Variants in MYO9B observed in about 807,000 individuals in gnomAD.
MYO9B encodes myosin IXB, also known as unconventional myosin-IXb.
Under a neutral mutation model 229.5 loss-of-function variants are expected in MYO9B, and 71 were observed. That is an observed-to-expected ratio of 0.31 (90% CI 0.26 to 0.38). The LOEUF (loss-of-function observed/expected upper bound fraction) is 0.38, where lower values mean the gene tolerates loss of function less well. Among genes scored for constraint, MYO9B ranks in the 10% least tolerant of loss-of-function variants. MYO9B has a pLI of 1.00. For synonymous variants in MYO9B, 1,185 were observed against 1,235.8 expected, an observed-to-expected ratio of 0.96 and a Z score of 0.86; for missense variants, 2,255 against 2,920.5, an observed-to-expected ratio of 0.77 and a Z score of 5.25.
intron 14 of MYO9B, among the ~76,000 whole-genome samples, chr19:17,179,420 ATTTTTTTTTTT>A (rs747998068): frequency 1.2e-5 from 1 of 86,668 alleles, no homozygotes; most frequent in Non-Finnish European, 2.1e-5. Context: ...GCCCCAACTG[ATTTTTTTTTTT>A]TTTTTTTTTT....
Position 17,195,575 on chromosome 19 carries a change from C to T in MYO9B, c.4046+102C>T, listed in dbSNP as rs1445240545. On this transcript the variant is annotated intron_variant, in intron 22 of 39. Coordinates refer to ENST00000682292, the MANE Select transcript of MYO9B (RefSeq NM_004145.4). This position sits in a 1 kb window ranked among gnomAD's most constrained non-coding sequence, Gnocchi z 4.5. ...CCTGGAAACACATGTGTAATCATGC[C>T]CAGTGGGTGTGCGGGAGGCCTGAGG... 1 of 1,414,728 alleles carries T rather than the reference C, an allele frequency of 7.1e-7. No individual in the cohort carries two copies. The highest frequency in any genetic ancestry group is 9.5e-7 in the Non-Finnish European group (1 of 1,048,284). 87.6% of individuals were successfully genotyped at this position (1,414,728 alleles called of 1,614,324 possible).
intron 30 of MYO9B, among the ~76,000 whole-genome samples, chr19:17,204,456 T>A (rs1011127960): frequency 1.1e-4 from 17 of 151,348 alleles, no homozygotes; most frequent in African/African-American, 4.1e-4. Context: ...CCAGGCTGGG[T>A]CTGAGGCCAT....
At chr19:17,206,925 G>A (rs1231213838) in intron 34 of MYO9B, 141 bp downstream of exon 34, 3 of 1,215,112 alleles carry the variant, frequency 2.5e-6, no homozygotes, top group Non-Finnish European at 3.5e-6. Flanking sequence ...GTTCTGGGAG[G>A]GGGCCAGGCT....
chr19:17,210,934 C>T (rs1410320700), intron 38 of MYO9B, 86 bp downstream of exon 38: 30 of 1,480,720 alleles, frequency 2.0e-5, no homozygotes, highest in Non-Finnish European at 2.6e-5. Flanking sequence ...CGCTTGACCT[C>T]GCCAGGTTTG....
At chr19:17,154,225 C>A in intron 5 of MYO9B, 90 bp from the exon 6 acceptor site, 2 of 1,376,590 alleles carry the variant, frequency 1.5e-6, no homozygotes, top group South Asian at 1.2e-5. Context: ...GTCCTGGGGC[C>A]CTGCCCCACC....
intron 4 of MYO9B, among the ~76,000 whole-genome samples, chr19:17,153,628 C>T (rs1396221625): frequency 6.7e-6 from 1 of 150,000 alleles, no homozygotes; most frequent in Non-Finnish European, 1.5e-5. Flanking sequence ...CCCAGGAGGT[C>T]GAGGCTGCAG....
At chr19:17,184,400 G>C (rs2072894297) in intron 16 of MYO9B, 1 of 172,508 alleles carries the variant, frequency 5.8e-6, no homozygotes, top group South Asian at 1.6e-4. Flanking sequence ...TTGCAGTCTA[G>C]TTAGCAGATG....
rs554972797 is a variant in MYO9B at position 17,208,607 on chromosome 19, A to C, written c.5625-979A>C. On this transcript the variant is annotated intron_variant, in intron 35 of 39. Coordinates refer to ENST00000682292, the MANE Select transcript of MYO9B (RefSeq NM_004145.4). ...CCACCACGCCCGGCTAATTTTTTGT[A>C]TTTTTAGTAGAGACGAGGTTTCACT... 3.2e-4 allele frequency among the ~76,000 whole-genome samples: 49 copies of C among 151,736 alleles called. No homozygotes were observed. The South Asian group carries it at 8.3e-3, about 26-fold the overall frequency.
chr19:17,103,978 C>T (rs953211126), intron 2 of MYO9B, among the ~76,000 whole-genome samples: 12 of 151,738 alleles, frequency 7.9e-5, no homozygotes, highest in Non-Finnish European at 1.5e-4. Context: ...ATCGCTTGAA[C>T]CCGGTAGGTG....
rs761279007 is a variant in MYO9B, at chr19:17,152,754, C to T, written c.998+48C>T. 1.3e-5 allele frequency: 19 copies of T among 1,514,778 alleles called. No homozygotes were observed. The East Asian group carries it at 1.4e-4, about 11-fold the overall frequency. The allele number at this position is 1,514,778 out of a possible 1,614,324, so 93.8% of individuals were successfully genotyped here. A position where few individuals can be genotyped will look rare whatever the true frequency, so the allele number is the denominator to read the frequency against. ...ATCTCTGAATGCCACGCCATGTCTA[C>T]GTTTCCTCCTACAGAGGAGAGAAGC... is the stretch of plus-strand genomic sequence containing the variant. On this transcript the variant is annotated intron_variant, in intron 4 of 39. Coordinates refer to ENST00000682292, the MANE Select transcript of MYO9B (RefSeq NM_004145.4).
In MYO9B at chr19:17,195,051, G is replaced by A. The variant is rs532430108; in HGVS notation, c.3624G>A (p.Thr1208=). The A allele has an allele frequency of 5.3e-5, 85 of 1,613,018 alleles. No homozygotes were observed. Among genetic ancestry groups the A allele is most frequent in the South Asian group, 4.4e-4 (40 of 91,076 alleles). Residue 1208 remains threonine, a synonymous_variant, in exon 22 of 40, where the codon ACG becomes ACA. Coordinates refer to ENST00000682292, the MANE Select transcript of MYO9B (RefSeq NM_004145.4). This position sits in a 1 kb window ranked among gnomAD's most constrained non-coding sequence, Gnocchi z 4.5. ...REDETLLVVE[T]EAENTSQKQP... ...ATGAAACCCTTCTAGTCGTAGAGAC[G>A]GAGGCTGAGAACACATCTCAAAAGC...
At chr19:17,197,978 C>A in intron 23 of MYO9B, 120 bp downstream of exon 23, 1 of 1,402,892 alleles carries the variant, frequency 7.1e-7, no homozygotes, top group South Asian at 1.2e-5. Context: ...CGCTTGAACG[C>A]AGTGGCAGGG....
intron 21 of MYO9B, among the ~76,000 whole-genome samples, chr19:17,194,032 C>G (rs973594558): frequency 1.3e-5 from 2 of 152,036 alleles, no homozygotes; most frequent in African/African-American, 4.8e-5. Context: ...ATTTGCCGGG[C>G]TTGGTGGTGC....
At chr19:17,186,731 T>TTTTG (rs1317342260) in intron 18 of MYO9B, among the ~76,000 whole-genome samples, 1 of 151,946 alleles carries the variant, frequency 6.6e-6, no homozygotes, top group Non-Finnish European at 1.5e-5. Flanking sequence ...CTTTGTTTGT[T>TTTTG]TTTGTTTGTT....
rs776916711 is a variant in MYO9B, at chr19:17,212,338, C to T, written c.*28C>T. The stretch of plus-strand genomic sequence containing the variant: ...GCCACAGCTGACAAAGTCTGCATGT[C>T]CGAGGACGGCCCCTGCACTGGAGCT... On this transcript the variant is annotated 3_prime_UTR_variant, in exon 40 of 40. Coordinates refer to ENST00000682292, the MANE Select transcript of MYO9B (RefSeq NM_004145.4). The surrounding 1 kb of genome is among the most constrained non-coding windows in gnomAD (Gnocchi z 5.4). 1.4e-6 allele frequency: 2 copies of T among 1,446,784 alleles called. No individual in the cohort carries two copies. The highest frequency in any genetic ancestry group is 1.4e-5 in the African/African-American group (1 of 69,820). The allele number at this position is 1,446,784 out of a possible 1,614,324, so 89.6% of individuals were successfully genotyped here.
intron 10 of MYO9B, among the ~76,000 whole-genome samples, chr19:17,167,445 A>G (rs1302366198): frequency 2.0e-5 from 3 of 149,502 alleles, no homozygotes; most frequent in African/African-American, 7.4e-5. Flanking sequence ...TGGATATATC[A>G]TGTTAAATTA....
intron 16 of MYO9B, 21 bp downstream of exon 16, chr19:17,183,889 C>A: frequency 6.4e-7 from 1 of 1,555,200 alleles, no homozygotes; most frequent in Non-Finnish European, 8.6e-7. Flanking sequence ...AAACACACCC[C>A]GCGCGACACG....
intron 2 of MYO9B, among the ~76,000 whole-genome samples, chr19:17,115,088 A>G (rs1467960429): frequency 6.6e-6 from 1 of 152,048 alleles, no homozygotes; most frequent in African/African-American, 2.4e-5. Context: ...TCCTAGGCTC[A>G]AGTGAGCCTC....
At chr19:17,152,456 T>C in intron 3 of MYO9B, 188 bp from the exon 4 acceptor site, 1 of 492,398 alleles carries the variant, frequency 2.0e-6, no homozygotes, top group Non-Finnish European at 3.6e-6. Context: ...CCAACCACTG[T>C]GGGGGCCGAG....
Sources: allele counts gnomAD v4.1 joint callset (sites outside exome capture counted in the v4.1 genomes callset), GRCh38; gene constraint gnomAD v4.1.1; non-coding constraint Gnocchi (gnomAD v3.1); transcripts MANE v1.5; gene names NCBI Gene and HGNC (gene_info 2026-07-23, HGNC 2026-07-21).